KIAA1217: variants seen among roughly 807,000 people sequenced by gnomAD.
KIAA1217 encodes the protein sickle tail protein homolog.
A neutral mutation model predicts 163.9 loss-of-function variants in KIAA1217; 88 were observed. The ratio of observed to expected loss-of-function variants is 0.54; its 90% CI spans 0.45 to 0.64. The LOEUF (loss-of-function observed/expected upper bound fraction) is 0.64, where lower values mean the gene tolerates loss of function less well. KIAA1217 is among the 30% of genes least tolerant of loss of function. KIAA1217 has a pLI of 0.00. For missense variants in KIAA1217, 2,372 were observed against 2,475.0 expected (o/e 0.96, Z 0.88); for synonymous variants, 903 against 923.1 (o/e 0.98, Z 0.39).
chr10:24,527,881 C>A, intron 13 of KIAA1217, 55 bp from the exon 14 acceptor site: 6 of 1,413,040 alleles, frequency 4.2e-6, no homozygotes, highest in Non-Finnish European at 5.9e-6. Context: ...TCCCAGTGTC[C>A]GTTGTTCTCC....
At chr10:24,069,866 G>A (rs558056676) in intron 2 of KIAA1217, among the ~76,000 whole-genome samples, 4 of 152,030 alleles carry the variant, frequency 2.6e-5, no homozygotes. Flanking sequence ...GCAAGACAGA[G>A]TCTCATTCTG....
At position 24,020,409 on chromosome 10, in the gene KIAA1217, G is replaced by A. The variant is rs559191871; in HGVS notation, c.-171+13035G>A. On this transcript the variant is annotated intron_variant, in intron 2 of 18. Coordinates refer to the KIAA1217 transcript ENST00000376462. Reference sequence around the variant, plus strand: ...AAGAAATGAATGAGTAAAATCTGCTGCTCATAAGCTTGAGGTTGTGGTCTC... The same window carrying A: ...AAGAAATGAATGAGTAAAATCTGCTACTCATAAGCTTGAGGTTGTGGTCTC... Among the ~76,000 whole-genome samples, 143 of 152,214 alleles carry A rather than the reference G, an allele frequency of 9.4e-4. 4 individuals carry two copies. In the South Asian group the frequency reaches 0.025, roughly 27 times the overall value.
chr10:24,244,838 G>A (rs2073583163), intron 2 of KIAA1217, among the ~76,000 whole-genome samples: 1 of 151,988 alleles, frequency 6.6e-6, no homozygotes, highest in African/African-American at 2.4e-5. Flanking sequence ...GTGCTGGGAT[G>A]ACAGACATGA....
chr10:24,495,202 T>G lies in KIAA1217; in HGVS notation c.1834+6T>G, dbSNP rs373070489. 1.3e-4 allele frequency: 213 copies of G among 1,610,356 alleles called. 1 individual carries two copies. Among genetic ancestry groups the G allele is most frequent in the Non-Finnish European group, 1.7e-4 (201 of 1,178,706 alleles). ...GAACCACACAGATAGTGCAGGTAAG[T>G]AAGTGTTTTTGGAGCTGTAGGAGGC... On this transcript the variant is annotated splice_donor_region_variant and intron_variant, in intron 8 of 20. Transcript: ENST00000376454.
intron 1 of KIAA1217, among the ~76,000 whole-genome samples, chr10:23,813,077 T>A (rs1158743722): frequency 6.6e-6 from 1 of 152,196 alleles, no homozygotes; most frequent in African/African-American, 2.4e-5. Flanking sequence ...GGTTTCAAAG[T>A]CTCTACATTC....
At chr10:24,312,637 G>A (rs370115981) in intron 2 of KIAA1217, among the ~76,000 whole-genome samples, 13 of 151,828 alleles carry the variant, frequency 8.6e-5, no homozygotes, top group African/African-American at 2.9e-4. Context: ...CAAAAAAAAG[G>A]TGGGCATGGC....
At chr10:24,424,186 T>C (rs2058995683) in intron 3 of KIAA1217, among the ~76,000 whole-genome samples, 1 of 152,310 alleles carries the variant, frequency 6.6e-6, no homozygotes, top group Non-Finnish European at 1.5e-5. Flanking sequence ...AAAGCTATCC[T>C]ATAGGAAGGG....
intron 1 of KIAA1217, among the ~76,000 whole-genome samples, chr10:23,808,836 A>G (rs569217187): frequency 6.6e-6 from 1 of 152,270 alleles, no homozygotes; most frequent in East Asian, 1.9e-4. Flanking sequence ...AGTAGATAAT[A>G]AAATAAAAAT....
intron 1 of KIAA1217, among the ~76,000 whole-genome samples, chr10:23,974,883 T>TCCC (rs35198034): frequency 1.1e-4 from 16 of 149,622 alleles, no homozygotes; most frequent in African/African-American, 3.7e-4. Flanking sequence ...TGATTATCCT[T>TCCC]CCCCCCCCCA....
chr10:23,917,357 C>A (rs1030395374), intron 1 of KIAA1217, among the ~76,000 whole-genome samples: 24 of 152,162 alleles, frequency 1.6e-4, no homozygotes, highest in Non-Finnish European at 1.8e-4. Context: ...AGTAGGGCAT[C>A]TGAGACAAGG....
At chr10:23,885,553 C>G (rs2131200588) in intron 1 of KIAA1217, among the ~76,000 whole-genome samples, 1 of 152,092 alleles carries the variant, frequency 6.6e-6, no homozygotes, top group African/African-American at 2.4e-5. Context: ...GCTCTTCTCT[C>G]TTTATAGACT....
chr10:24,201,842 C>T (rs1426471396), intron 2 of KIAA1217, among the ~76,000 whole-genome samples: 1 of 152,192 alleles, frequency 6.6e-6, no homozygotes, highest in Non-Finnish European at 1.5e-5. Flanking sequence ...AAGTTGGAGG[C>T]ATGGCTCAGG....
At chr10:24,286,472 A>G (rs920503486) in intron 2 of KIAA1217, among the ~76,000 whole-genome samples, 1 of 151,338 alleles carries the variant, frequency 6.6e-6, no homozygotes, top group Admixed American at 6.6e-5. Context: ...ACACACACAC[A>G]TACACATACA....
intron 2 of KIAA1217, among the ~76,000 whole-genome samples, chr10:24,165,109 A>C (rs1037424475): frequency 2.0e-5 from 3 of 152,216 alleles, no homozygotes; most frequent in African/African-American, 7.2e-5. Context: ...TAAAGCAAAG[A>C]GAAGTGGCCA....
chr10:23,764,565 C>A (rs1183495261), intron 1 of KIAA1217, among the ~76,000 whole-genome samples: 1 of 152,092 alleles, frequency 6.6e-6, no homozygotes, highest in Non-Finnish European at 1.5e-5. Flanking sequence ...CAATGATAGA[C>A]TGGATAAAGA....
At chr10:24,486,467 C>A (rs1442505384) in intron 6 of KIAA1217, among the ~76,000 whole-genome samples, 1 of 152,148 alleles carries the variant, frequency 6.6e-6, no homozygotes, top group East Asian at 1.9e-4. Context: ...TGATTTGATT[C>A]CCCTCGCCAC....
intron 1 of KIAA1217, among the ~76,000 whole-genome samples, chr10:24,212,613 T>C (rs2068279707): frequency 6.6e-6 from 1 of 152,210 alleles, no homozygotes; most frequent in Admixed American, 6.5e-5. Flanking sequence ...TGGGTGAATA[T>C]GATGCTGTAG....
intron 6 of KIAA1217, among the ~76,000 whole-genome samples, chr10:24,484,224 C>CATATATATACATATAT (rs2065065728): frequency 1.1e-5 from 1 of 90,544 alleles, no homozygotes; most frequent in African/African-American, 4.7e-5. Context: ...GATAGATATA[C>CATATATATACATATAT]ATATATATAT....
chr10:24,303,398 C>T (rs767940087), intron 2 of KIAA1217, among the ~76,000 whole-genome samples: 3 of 152,064 alleles, frequency 2.0e-5, no homozygotes, highest in African/African-American at 4.8e-5. Context: ...CAGGGAGACC[C>T]GTGAGGAGGC....
Sources: gnomAD v4.1 joint callset for allele counts (sites outside exome capture counted in the v4.1 genomes callset) on GRCh38, gnomAD v4.1.1 for gene constraint, MANE v1.5 for transcripts, NCBI Gene and HGNC (gene_info 2026-07-23, HGNC 2026-07-21) for gene names.